SCGB3A2: variants seen among roughly 807,000 people sequenced by gnomAD.
The protein encoded by SCGB3A2 is secretoglobin family 3A member 2, also known as pneumo secretory protein 1.
SCGB3A2 carries 5 observed loss-of-function variants against 7.7 expected under a neutral mutation model. That is an observed-to-expected ratio of 0.65 (90% confidence interval 0.34 to 1.36). The LOEUF (loss-of-function observed/expected upper bound fraction) is 1.36, where lower values mean the gene tolerates loss of function less well. Among genes scored for constraint, SCGB3A2 ranks in the 40% most tolerant of loss-of-function variants. SCGB3A2 has a pLI of 0.04. For synonymous variants in SCGB3A2, 44 were observed against 42.7 expected, an observed-to-expected ratio of 1.03 and a Z score of -0.12; for missense variants, 109 against 103.6, an observed-to-expected ratio of 1.05 and a Z score of -0.23.
Position 147,881,526 on chromosome 5 carries a change from A to G in SCGB3A2, c.136A>G (p.Met46Val). Residue 46 changes from methionine to valine, a missense_variant, in exon 2 of 3, where the codon ATG (methionine) becomes GTG (valine). Met to Val is a conservative substitution (Grantham distance 21). Transcript: ENST00000296694. ...PLPLDNILPF[M>V]DPLKLLLKTL... is the part of the protein sequence containing the mutation. ...ACCTCTGGACAACATTCTTCCCTTT[A>G]TGGATCCATTAAAGCTTCTTCTGAA... 6.2e-7 allele frequency: 1 copy of G among 1,613,430 alleles called. No homozygotes were observed. Among genetic ancestry groups the G allele is most frequent in the Non-Finnish European group, 8.5e-7 (1 of 1,179,466 alleles).
chr5:147,880,953 T>C (rs1465559770), intron 1 of SCGB3A2: 1 of 157,032 alleles, frequency 6.4e-6, no homozygotes, highest in Non-Finnish European at 1.4e-5. Flanking sequence ...AGCTGTGAGC[T>C]GTGGAGACAG....
Position 147,878,784 on chromosome 5 carries a change from A to G in SCGB3A2, c.-20A>G, listed in dbSNP as rs1410240407. On this transcript the variant is annotated 5_prime_UTR_variant, in exon 1 of 3. Transcript: ENST00000296694. ...TTTTTCTGATTTTTAAACTCCTGAA[A>G]AATATCCCAGATAACTGTCATGAAG... 1 of 1,608,880 alleles carries G rather than the reference A, an allele frequency of 6.2e-7. No individual in the cohort carries two copies. The highest frequency in any genetic ancestry group is 1.7e-5 in the Admixed American group (1 of 59,996).
In SCGB3A2 at chr5:147,881,673, C is replaced by T. The variant is rs6865419; in HGVS notation, c.258+25C>T. The T allele has an allele frequency of 1.0e-5, 16 of 1,592,310 alleles. No homozygotes were observed. In the African/African-American group the frequency reaches 1.7e-4, roughly 17 times the overall value. On this transcript the variant is annotated intron_variant, in intron 2 of 2. Coordinates refer to ENST00000296694, the MANE Select transcript of SCGB3A2 (RefSeq NM_054023.5). ...GGTAACCACAGCTTGGGAGGCTAAT[C>T]TGCCAAAGGGGAGGCATACTCACCC... is the stretch of plus-strand genomic sequence containing the variant.
intron 1 of SCGB3A2, among the ~76,000 whole-genome samples, 178 bp from the exon 2 acceptor site, chr5:147,881,267 AG>A (rs1413514471): frequency 6.6e-6 from 1 of 152,212 alleles, no homozygotes; most frequent in Non-Finnish European, 1.5e-5. Context: ...TAGCTAGCTA[AG>A]GAAAAAAAGT....
chr5:147,881,486 C>G lies in SCGB3A2; in HGVS notation c.96C>G (p.Asp32Glu). The G allele has an allele frequency of 3.1e-6, 5 of 1,614,032 alleles. No homozygotes were observed. The highest frequency in any genetic ancestry group is 4.2e-6 in the Non-Finnish European group (5 of 1,179,932). The change falls in exon 2 of 3, where the codon GAC (aspartate) becomes GAG (glutamate). Residue 32 changes from aspartate (D) to glutamate (E), a missense_variant. Coordinates refer to ENST00000296694, the MANE Select transcript of SCGB3A2 (RefSeq NM_054023.5). ...TCAACAAAGTGCCCCTTCCTGTTGA[C>G]AAGTTGGCACCTTTACCTCTGGACA... ...FLINKVPLPVDKLAPLPLDNI... is the reference protein window; with the variant it reads ...FLINKVPLPVEKLAPLPLDNI...
intron 1 of SCGB3A2, 70 bp from the exon 2 acceptor site, chr5:147,881,376 G>T: frequency 8.3e-7 from 1 of 1,197,976 alleles, no homozygotes; most frequent in South Asian, 1.2e-5. Context: ...GATGGACACA[G>T]GGAAAGAAGA....
At chr5:147,880,569 T>G (rs1366261302) in intron 1 of SCGB3A2, among the ~76,000 whole-genome samples, 2 of 152,220 alleles carry the variant, frequency 1.3e-5, no homozygotes, top group Non-Finnish European at 2.9e-5. Context: ...TCCTCTTCTT[T>G]ACCTTATGAT....
In SCGB3A2 at chr5:147,882,056, A is replaced by G. The variant is rs1252284647; in HGVS notation, c.*6A>G. On this transcript the variant is annotated 3_prime_UTR_variant, in exon 3 of 3. Coordinates refer to ENST00000296694, the MANE Select transcript of SCGB3A2 (RefSeq NM_054023.5). ...CGCTATCACACTTGGTGTGACATCA[A>G]GATAAAGAGCGGAGGTGGATGGGGA... The G allele has an allele frequency of 2.5e-6, 4 of 1,613,808 alleles. No individual in the cohort carries two copies. The highest frequency in any genetic ancestry group is 1.1e-5 in the South Asian group (1 of 91,070).
rs1757344033 is a variant in SCGB3A2, at chr5:147,881,300, G to A, written c.56-146G>A. On this transcript the variant is annotated intron_variant, in intron 1 of 2. Coordinates refer to ENST00000296694, the MANE Select transcript of SCGB3A2 (RefSeq NM_054023.5). Reference sequence around the variant, plus strand: ...AAGTTCTAGGGAGATGGAACAGCAGGTGCAAAGGGCCAGAGGTAGAAGTTT... The same window carrying A: ...AAGTTCTAGGGAGATGGAACAGCAGATGCAAAGGGCCAGAGGTAGAAGTTT... The A allele has an allele frequency of 6.0e-6, 4 of 668,720 alleles. No individual in the cohort carries two copies. The Admixed American group carries it at 1.0e-4, about 18-fold the overall frequency. The allele number at this position is 668,720 out of a possible 1,614,324, so 41.4% of individuals were successfully genotyped here.
intron 1 of SCGB3A2, 114 bp downstream of exon 1, chr5:147,878,972 ATT>A (rs3217372): frequency 4.3e-6 from 3 of 697,040 alleles, no homozygotes; most frequent in Admixed American, 2.3e-5. Flanking sequence ...TAGGAATTGT[ATT>A]TTTTTTTATT....
chr5:147,879,961 C>T (rs1351974562), intron 1 of SCGB3A2, among the ~76,000 whole-genome samples: 2 of 151,976 alleles, frequency 1.3e-5, no homozygotes, highest in African/African-American at 4.8e-5. Context: ...AAAGTGGCAG[C>T]AGAAAGGAGG....
At chr5:147,880,764 C>T (rs1757334965) in intron 1 of SCGB3A2, 1 of 152,480 alleles carries the variant, frequency 6.6e-6, no homozygotes, top group Admixed American at 6.5e-5. Flanking sequence ...TGTGTGAAGT[C>T]TCTGAATGGG....
Position 147,878,743 on chromosome 5 carries a change from G to A in SCGB3A2, c.-61G>A. 1 of 1,316,770 alleles carries A rather than the reference G, an allele frequency of 7.6e-7. No homozygotes were observed. Among genetic ancestry groups the A allele is most frequent in the Non-Finnish European group, 1.1e-6 (1 of 909,338 alleles). The allele number at this position is 1,316,770 out of a possible 1,614,324, so 81.6% of individuals were successfully genotyped here. A position where few individuals can be genotyped will look rare whatever the true frequency, so the allele number is the denominator to read the frequency against. On this transcript the variant is annotated 5_prime_UTR_variant, in exon 1 of 3. Coordinates refer to ENST00000296694, the MANE Select transcript of SCGB3A2 (RefSeq NM_054023.5). ...GTATGGCAAGTGGAACCACTGGCTT[G>A]GTGGATTTTGCTAGATTTTTCTGAT...
chr5:147,879,002 A>C (rs1251744367), intron 1 of SCGB3A2, 144 bp downstream of exon 1: 2 of 638,572 alleles, frequency 3.1e-6, no homozygotes, highest in Non-Finnish European at 5.6e-6. Flanking sequence ...TAACTGACAC[A>C]TAATAATTGC....
chr5:147,880,217 A>G (rs1757324620), intron 1 of SCGB3A2, among the ~76,000 whole-genome samples: 1 of 152,066 alleles, frequency 6.6e-6, no homozygotes, highest in South Asian at 2.1e-4. Context: ...CATCGTACAT[A>G]TTTTCCTCAA....
In SCGB3A2 at chr5:147,881,593, G is replaced by A; in HGVS notation, c.203G>A (p.Arg68Lys). ...ISVEHLVEGL[R>K]KCVNELGPEA... ...GTTGAGCACCTTGTGGAGGGGCTAA[G>A]GAAGTGTGTAAATGAGCTGGGACCA... Residue 68 changes from arginine to lysine, a missense_variant, in exon 2 of 3, where the codon AGG becomes AAG. By Grantham distance (26) the Arg-to-Lys change is conservative (BLOSUM62 2). Coordinates refer to ENST00000296694, the MANE Select transcript of SCGB3A2 (RefSeq NM_054023.5). 6.2e-7 allele frequency: 1 copy of A among 1,613,986 alleles called. No homozygotes were observed. Among genetic ancestry groups the A allele is most frequent in the South Asian group, 1.1e-5 (1 of 91,072 alleles).
Position 147,881,042 on chromosome 5 carries a change from A to G in SCGB3A2, c.56-404A>G, listed in dbSNP as rs62378657. ...TACGCTGCCAGGGTCAGTTGTAGGC[A>G]TGGGTGCATTAGCGAAAAAACACAC... is the stretch of plus-strand genomic sequence containing the variant. On this transcript the variant is annotated intron_variant, in intron 1 of 2. Coordinates refer to ENST00000296694, the MANE Select transcript of SCGB3A2 (RefSeq NM_054023.5). The G allele has an allele frequency of 7.8e-3, 1,463 of 187,918 alleles. 9 individuals are homozygous for G. The highest frequency in any genetic ancestry group is 0.017 in the South Asian group (146 of 8,398). 11.6% of individuals were successfully genotyped at this position (187,918 alleles called of 1,614,324 possible). A position where few individuals can be genotyped will look rare whatever the true frequency, so the allele number is the denominator to read the frequency against.
In SCGB3A2 at chr5:147,882,099, A is replaced by C; in HGVS notation, c.*49A>C. 1 of 1,590,902 alleles carries C rather than the reference A, an allele frequency of 6.3e-7. No individual in the cohort carries two copies. Among genetic ancestry groups the C allele is most frequent in the Non-Finnish European group, 8.6e-7 (1 of 1,159,184 alleles). On this transcript the variant is annotated 3_prime_UTR_variant, in exon 3 of 3. Transcript: ENST00000296694. The stretch of plus-strand genomic sequence containing the variant: ...GATGGGGATGGAAGATGATGCTCCT[A>C]TCCTCCCTGCCTGAAACCTGTTCTA...
chr5:147,881,892 A>G, intron 2 of SCGB3A2, 135 bp from the exon 3 acceptor site: 1 of 933,072 alleles, frequency 1.1e-6, no homozygotes, highest in Non-Finnish European at 1.7e-6. Context: ...ATTTTGGATG[A>G]GACGTAATCA....
Sources: allele counts gnomAD v4.1 joint callset (sites outside exome capture counted in the v4.1 genomes callset), GRCh38; gene constraint gnomAD v4.1.1; transcripts MANE v1.5; gene names NCBI Gene and HGNC (gene_info 2026-07-23, HGNC 2026-07-21).